SLC30A9: variants seen among roughly 807,000 people sequenced by gnomAD.
SLC30A9 encodes solute carrier family 30 member 9, also known as proton-coupled zinc antiporter SLC30A9, mitochondrial.
Under a neutral mutation model 87.5 loss-of-function variants are expected in SLC30A9, and 58 were observed. The ratio of observed to expected loss-of-function variants is 0.66; its 90% CI spans 0.54 to 0.82. The LOEUF (loss-of-function observed/expected upper bound fraction) is 0.82. Among genes scored for constraint, SLC30A9 ranks in the 40% least tolerant of loss-of-function variants. The probability of loss-of-function intolerance (pLI) is 0.00; values close to 1 mark genes in which losing one functional copy is unlikely to be tolerated. For missense variants in SLC30A9, 557 were observed against 679.1 expected (o/e 0.82, Z 2.00); for synonymous variants, 234 against 233.0 (o/e 1.00, Z -0.04).
At chr4:42,004,395 T>C (rs1365306820) in intron 2 of SLC30A9, among the ~76,000 whole-genome samples, 1 of 152,196 alleles carries the variant, frequency 6.6e-6, no homozygotes, top group Non-Finnish European at 1.5e-5. Flanking sequence ...TCTCTTATTA[T>C]CCCTTCATAT....
chr4:42,060,567 A>G (rs1354394325), intron 10 of SLC30A9, among the ~76,000 whole-genome samples: 1 of 152,160 alleles, frequency 6.6e-6, no homozygotes, highest in Non-Finnish European at 1.5e-5. Context: ...TATATTCTAG[A>G]TTTAGACTCA....
intron 11 of SLC30A9, among the ~76,000 whole-genome samples, chr4:42,064,734 A>G (rs1332539527): frequency 6.6e-5 from 10 of 152,314 alleles, no homozygotes; most frequent in Non-Finnish European, 8.8e-5. Flanking sequence ...CAGTAACTAA[A>G]TGGGTTTCCA....
intron 8 of SLC30A9, among the ~76,000 whole-genome samples, chr4:42,043,527 T>C (rs1002955612): frequency 6.6e-6 from 1 of 151,240 alleles, no homozygotes; most frequent in African/African-American, 2.4e-5. Context: ...GAGAAAAAAA[T>C]GAAAAAGAAT....
intron 3 of SLC30A9, 58 bp downstream of exon 3, chr4:42,018,228 C>T: frequency 1.0e-6 from 1 of 1,000,648 alleles, no homozygotes. Context: ...AAATATATAA[C>T]ATTGGTTTAT....
At chr4:41,999,080 A>T (rs1253339088) in intron 1 of SLC30A9, among the ~76,000 whole-genome samples, 3 of 152,230 alleles carry the variant, frequency 2.0e-5, no homozygotes, top group African/African-American at 7.2e-5. Flanking sequence ...CCCAAAATAG[A>T]ACAGTTTGAG....
At chr4:42,010,767 A>G (rs1359509419) in intron 2 of SLC30A9, among the ~76,000 whole-genome samples, 2 of 152,210 alleles carry the variant, frequency 1.3e-5, no homozygotes, top group South Asian at 2.1e-4. Flanking sequence ...CATTGGAATA[A>G]TAGATAAAGT....
chr4:41,998,738 A>G (rs967071986), intron 1 of SLC30A9, among the ~76,000 whole-genome samples: 8 of 152,216 alleles, frequency 5.3e-5, no homozygotes, highest in South Asian at 2.1e-4. Flanking sequence ...TGTTGGGATT[A>G]CAGGCATGAG....
intron 6 of SLC30A9, among the ~76,000 whole-genome samples, chr4:42,031,136 T>C (rs9291209): frequency 0.65 from 98,369 of 152,002 alleles, 36,000 homozygotes; most frequent in East Asian, 0.96. Flanking sequence ...AATGCAGTAC[T>C]CCATAGACTG....
chr4:42,087,367 C>T lies in SLC30A9; in HGVS notation c.*1241C>T, dbSNP rs930230301. 1.3e-5 allele frequency: 2 copies of T among 152,104 alleles called. No individual in the cohort carries two copies. Among genetic ancestry groups the T allele is most frequent in the Non-Finnish European group, 2.9e-5 (2 of 68,012 alleles). The allele number at this position is 152,104 out of a possible 1,614,324, so 9.4% of individuals were successfully genotyped here. On this transcript the variant is annotated 3_prime_UTR_variant, in exon 18 of 18. Coordinates refer to ENST00000264451, the MANE Select transcript of SLC30A9 (RefSeq NM_006345.4). ...GTGAGCATTGTTCATATGAGAATGG[C>T]GGCTGGGTGATCTCTTTGCTGAATT...
At chr4:42,013,924 A>G (rs1715570198) in intron 2 of SLC30A9, among the ~76,000 whole-genome samples, 1 of 152,194 alleles carries the variant, frequency 6.6e-6, no homozygotes, top group East Asian at 1.9e-4. Flanking sequence ...CTTCTGCACA[A>G]CAAAGGAAAC....
chr4:42,068,072 T>G (rs566137633), intron 14 of SLC30A9, among the ~76,000 whole-genome samples: 1 of 152,358 alleles, frequency 6.6e-6, no homozygotes, highest in African/African-American at 2.4e-5. Flanking sequence ...CTATTGCTGA[T>G]ACTCACTGAT....
chr4:42,083,721 G>T (rs1298104468), intron 17 of SLC30A9, among the ~76,000 whole-genome samples: 1 of 152,104 alleles, frequency 6.6e-6, no homozygotes, highest in Non-Finnish European at 1.5e-5. Context: ...ATAGGTAAGG[G>T]TTGATTGGAG....
At chr4:41,996,654 A>C (rs1385344251) in intron 1 of SLC30A9, among the ~76,000 whole-genome samples, 1 of 152,084 alleles carries the variant, frequency 6.6e-6, no homozygotes, top group East Asian at 1.9e-4. Context: ...GAGATGGGAA[A>C]ACCACCTGAG....
intron 6 of SLC30A9, among the ~76,000 whole-genome samples, chr4:42,031,747 G>A (rs1199212693): frequency 6.6e-6 from 1 of 152,070 alleles, no homozygotes; most frequent in African/African-American, 2.4e-5. Context: ...GTATTACAAA[G>A]AATTGCACTC....
In SLC30A9 at chr4:42,075,790, A is replaced by G; in HGVS notation, c.1548+4A>G. Reference sequence around the variant, plus strand: ...AGATTTTGACCAAATGTTACAAGTAAGTTTATTTGTTGTTTTCTTACATAA... The same window carrying G: ...AGATTTTGACCAAATGTTACAAGTAGGTTTATTTGTTGTTTTCTTACATAA... On this transcript the variant is annotated splice_donor_region_variant and intron_variant, in intron 16 of 17. Coordinates refer to ENST00000264451, the MANE Select transcript of SLC30A9 (RefSeq NM_006345.4). 6.2e-7 allele frequency: 1 copy of G among 1,608,580 alleles called. No individual in the cohort carries two copies. Among genetic ancestry groups the G allele is most frequent in the Non-Finnish European group, 8.5e-7 (1 of 1,176,582 alleles).
rs1273227296 is a variant in SLC30A9 at position 42,018,273 on chromosome 4, A to G, written c.334+103A>G. The G allele has an allele frequency of 5.3e-6, 4 of 760,272 alleles. No homozygotes were observed. The African/African-American group carries it at 7.2e-5, about 14-fold the overall frequency. 47.1% of individuals were successfully genotyped at this position (760,272 alleles called of 1,614,324 possible). On this transcript the variant is annotated intron_variant, in intron 3 of 17. Transcript: ENST00000264451. ...TTTATAGTTATATTATTCTAAGAGTATAGTTTATTTTTTACTTTTATTTAA... is the reference window on the plus strand; with the variant it reads ...TTTATAGTTATATTATTCTAAGAGTGTAGTTTATTTTTTACTTTTATTTAA...
At chr4:42,020,098 T>G (rs1009248716) in intron 3 of SLC30A9, among the ~76,000 whole-genome samples, 3 of 152,206 alleles carry the variant, frequency 2.0e-5, no homozygotes, top group Non-Finnish European at 4.4e-5. Context: ...CAGTTCATTT[T>G]CATTTAGACC....
intron 2 of SLC30A9, among the ~76,000 whole-genome samples, chr4:42,015,830 T>C (rs1411581135): frequency 6.6e-6 from 1 of 152,088 alleles, no homozygotes; most frequent in Non-Finnish European, 1.5e-5. Flanking sequence ...GATCTTCATG[T>C]TGGTAATCTA....
intron 14 of SLC30A9, among the ~76,000 whole-genome samples, chr4:42,068,105 T>C (rs1474056186): frequency 6.6e-6 from 1 of 152,210 alleles, no homozygotes; most frequent in Non-Finnish European, 1.5e-5. Flanking sequence ...GGGTAAATAA[T>C]TATTTTACAT....
Sources: allele counts gnomAD v4.1 joint callset (sites outside exome capture counted in the v4.1 genomes callset), GRCh38; gene constraint gnomAD v4.1.1; transcripts MANE v1.5; gene names NCBI Gene and HGNC (gene_info 2026-07-23, HGNC 2026-07-21).